CNDP1: variants seen among roughly 807,000 people sequenced by gnomAD.
The protein encoded by CNDP1 is beta-Ala-His dipeptidase.
In CNDP1, 44 loss-of-function variants were observed where a neutral mutation model predicts 58.1. The observed-to-expected ratio is 0.76, with a 90% CI of 0.60 to 0.97. CNDP1 has a LOEUF of 0.97. CNDP1 is among the 50% of genes least tolerant of loss of function. The pLI is 0.00. For synonymous variants in CNDP1, 254 were observed against 252.6 expected (o/e 1.01, Z -0.05); for missense variants, 616 against 655.1 (o/e 0.94, Z 0.65).
intron 1 of CNDP1, among the ~76,000 whole-genome samples, chr18:74,546,499 C>T (rs1980764123): frequency 6.6e-6 from 1 of 152,100 alleles, no homozygotes. Flanking sequence ...GGTACTGTCT[C>T]GTGCCACCCC....
Position 74,585,040 on chromosome 18 carries a change from A to G in CNDP1, c.*478A>G. On this transcript the variant is annotated 3_prime_UTR_variant, in exon 12 of 12. Coordinates refer to ENST00000358821, the MANE Select transcript of CNDP1 (RefSeq NM_032649.6). The stretch of plus-strand genomic sequence containing the variant: ...ACTGACTACAATGATTTCCCCATGG[A>G]TTCATTTTCAGAGGAGTTACTAAGG... 1 of 157,214 alleles carries G rather than the reference A, an allele frequency of 6.4e-6. No homozygotes were observed. Among genetic ancestry groups the G allele is most frequent in the South Asian group, 1.9e-4 (1 of 5,290 alleles). 9.7% of individuals were successfully genotyped at this position (157,214 alleles called of 1,614,324 possible).
rs758188403 is a variant in CNDP1, at chr18:74,583,657, C to T, written c.1406C>T (p.Pro469Leu). The change falls in exon 11 of 12, where the codon CCG (proline) becomes CTG (leucine). Residue 469 changes from proline (P) to leucine (L), a missense_variant. Physicochemically the swap from Pro to Leu is moderately conservative, Grantham distance 98. Transcript: ENST00000358821. ...EIVHKSVVLI[P>L]LGAVDDGEHS... ...GTCCACAAGAGCGTGGTGCTAATTC[C>T]GCTGGGAGCTGTTGATGATGGAGAA... is the stretch of plus-strand genomic sequence containing the variant. 11 of 1,614,024 alleles carry T rather than the reference C, an allele frequency of 6.8e-6. No individual in the cohort carries two copies. In the African/African-American group the frequency reaches 8.0e-5, roughly 12 times the overall value.
chr18:74,539,989 A>T (rs902894553), intron 1 of CNDP1, among the ~76,000 whole-genome samples: 1 of 152,204 alleles, frequency 6.6e-6, no homozygotes, highest in African/African-American at 2.4e-5. Context: ...TATATCAACA[A>T]TACCATTAAC....
At chr18:74,578,852 A>G (rs1457885730) in intron 9 of CNDP1, among the ~76,000 whole-genome samples, 1 of 152,204 alleles carries the variant, frequency 6.6e-6, no homozygotes, top group Non-Finnish European at 1.5e-5. Flanking sequence ...GATGTCTGAA[A>G]TTAACACTTT....
intron 11 of CNDP1, chr18:74,584,144 G>A (rs12957330): frequency 0.15 from 48,711 of 325,068 alleles, 4,387 homozygotes; most frequent in Non-Finnish European, 0.18. Flanking sequence ...AAGGCTATTA[G>A]GAATGTTTGC....
intron 2 of CNDP1, among the ~76,000 whole-genome samples, chr18:74,556,838 A>C (rs1305635940): frequency 6.6e-6 from 1 of 152,228 alleles, no homozygotes; most frequent in African/African-American, 2.4e-5. Flanking sequence ...GGAGCTCTGC[A>C]AAGTTCAACA....
chr18:74,563,776 T>C (rs1420791891), intron 5 of CNDP1, among the ~76,000 whole-genome samples: 1 of 152,158 alleles, frequency 6.6e-6, no homozygotes, highest in African/African-American at 2.4e-5. Flanking sequence ...CTAATATCCA[T>C]ATTTCACAGG....
chr18:74,551,264 A>ATT (rs139493874), intron 1 of CNDP1, among the ~76,000 whole-genome samples: 9 of 149,716 alleles, frequency 6.0e-5, no homozygotes, highest in African/African-American at 9.9e-5. Flanking sequence ...AATTAACCCT[A>ATT]TTTTTTTTTA....
rs184095052 is a variant in CNDP1, at chr18:74,568,883, G to T, written c.756+1450G>T. Among the ~76,000 whole-genome samples, 41 of 152,222 alleles carry T rather than the reference G, an allele frequency of 2.7e-4. No homozygotes were observed. The Middle Eastern group carries it at 0.01, about 38-fold the overall frequency. On this transcript the variant is annotated intron_variant, in intron 6 of 11. Coordinates refer to ENST00000358821, the MANE Select transcript of CNDP1 (RefSeq NM_032649.6). ...TGCTCAGTGGCCAGGGACAGAGAAG[G>T]CTGGCCCAGGGGTTGAGGTTACCCC...
At chr18:74,584,356 A>G (rs1488884974) in intron 11 of CNDP1, 140 bp from the exon 12 acceptor site, 16 of 630,550 alleles carry the variant, frequency 2.5e-5, no homozygotes, top group Non-Finnish European at 4.5e-5. Context: ...TGCTTTTCAT[A>G]CTGGGATCTC....
At chr18:74,579,223 C>A (rs796314871) in intron 9 of CNDP1, among the ~76,000 whole-genome samples, 7 of 117,506 alleles carry the variant, frequency 6.0e-5, no homozygotes, top group South Asian at 3.3e-4. Context: ...CCCTTCCCTT[C>A]CCTTCCCTCA....
At position 74,562,115 on chromosome 18, in the gene CNDP1, G is replaced by A. The variant is rs781047897; in HGVS notation, c.535G>A (p.Ala179Thr). ...PVLAWINAVS[A>T]FRALEQDLPV... is the part of the protein sequence containing the mutation. ...CTTGGCTTGGATCAATGCTGTGAGCGCCTTCAGAGCCCTGGAGCAAGTAGG... is the reference window on the plus strand; with the variant it reads ...CTTGGCTTGGATCAATGCTGTGAGCACCTTCAGAGCCCTGGAGCAAGTAGG... Residue 179 changes from alanine (A) to threonine (T), a missense_variant, in exon 5 of 12, where the codon GCC becomes ACC. Coordinates refer to ENST00000358821, the MANE Select transcript of CNDP1 (RefSeq NM_032649.6). 16 of 1,613,928 alleles carry A rather than the reference G, an allele frequency of 9.9e-6. No homozygotes were observed. The highest frequency in any genetic ancestry group is 2.2e-5 in the East Asian group (1 of 44,884).
chr18:74,560,060 A>AGT (rs377377075), intron 3 of CNDP1, among the ~76,000 whole-genome samples: 1 of 131,402 alleles, frequency 7.6e-6, no homozygotes, highest in African/African-American at 2.9e-5. Context: ...CCCAGGCTGG[A>AGT]GTGCAGTGGT....
intron 1 of CNDP1, among the ~76,000 whole-genome samples, chr18:74,540,259 G>A (rs910428042): frequency 1.3e-5 from 2 of 151,546 alleles, no homozygotes; most frequent in Non-Finnish European, 2.9e-5. Context: ...CTGGGTTCAA[G>A]CGATTCTTCT....
At chr18:74,554,928 C>G (rs1473809310) in intron 1 of CNDP1, among the ~76,000 whole-genome samples, 1 of 152,060 alleles carries the variant, frequency 6.6e-6, no homozygotes, top group African/African-American at 2.4e-5. Context: ...CTTGCAGATG[C>G]TCCATTGTAA....
chr18:74,548,263 T>C (rs1325095813), intron 1 of CNDP1, among the ~76,000 whole-genome samples: 1 of 152,048 alleles, frequency 6.6e-6, no homozygotes, highest in Non-Finnish European at 1.5e-5. Context: ...TGGGAGGTGT[T>C]TGGGTCATGG....
chr18:74,578,777 A>T (rs917153374), intron 9 of CNDP1, among the ~76,000 whole-genome samples: 3 of 152,222 alleles, frequency 2.0e-5, no homozygotes, highest in Non-Finnish European at 1.5e-5. Flanking sequence ...ACATAGATGG[A>T]GTAGGGACCT....
chr18:74,568,245 G>A (rs535555343), intron 6 of CNDP1, among the ~76,000 whole-genome samples: 6 of 152,228 alleles, frequency 3.9e-5, no homozygotes, highest in South Asian at 2.1e-4. Flanking sequence ...GCACATACAC[G>A]GAAACACACA....
chr18:74,570,809 A>G (rs1981460455), intron 6 of CNDP1, among the ~76,000 whole-genome samples: 1 of 152,250 alleles, frequency 6.6e-6, no homozygotes, highest in Non-Finnish European at 1.5e-5. Context: ...AAAGCTTCTC[A>G]GAAATCAAGG....
Sources: allele counts gnomAD v4.1 joint callset (sites outside exome capture counted in the v4.1 genomes callset), GRCh38; gene constraint gnomAD v4.1.1; transcripts MANE v1.5; gene names NCBI Gene and HGNC (gene_info 2026-07-23, HGNC 2026-07-21).